The following FAM107B variants were observed in gnomAD, a reference collection of about 807,000 sequenced individuals.
FAM107B encodes family with sequence similarity 107 member B, also known as protein FAM107B.
FAM107B carries 21 observed loss-of-function variants against 31.5 expected under a neutral mutation model. The observed-to-expected ratio is 0.67, with a 90% CI of 0.47 to 0.96. The LOEUF (loss-of-function observed/expected upper bound fraction) is 0.96. Ranked by LOEUF, FAM107B falls within the 40% of genes least tolerant of loss-of-function variation. The pLI, the probability that FAM107B is intolerant of heterozygous loss-of-function variation, is 0.00. For synonymous variants in FAM107B, 157 were observed against 141.5 expected (o/e 1.11, Z -0.78); for missense variants, 452 against 377.1 (o/e 1.20, Z -1.64).
intron 1 of FAM107B, among the ~76,000 whole-genome samples, chr10:14,672,430 C>T (rs79349016): frequency 0.034 from 5,190 of 152,220 alleles, 287 homozygotes; most frequent in African/African-American, 0.12. Flanking sequence ...AATGTGACCA[C>T]GATGATGTAC....
chr10:14,677,347 C>T lies in FAM107B; in HGVS notation c.412-9656G>A, dbSNP rs141440506. 9.2e-5 allele frequency among the ~76,000 whole-genome samples: 14 copies of T among 152,324 alleles called. No individual in the cohort carries two copies. In the East Asian group the frequency reaches 2.7e-3, roughly 29 times the overall value. ...TTAAAGCTACAGATACCTGGCCGGGCGCGGTGGCTCAATCCTGTAATCCCA... is the reference window on the plus strand; with the variant it reads ...TTAAAGCTACAGATACCTGGCCGGGTGCGGTGGCTCAATCCTGTAATCCCA... On this transcript the variant is annotated intron_variant, in intron 1 of 4. Transcript: ENST00000181796.
chr10:14,522,182 CAGCACGAAAGA>C (rs1309438909), intron 3 of FAM107B, 163 bp from the exon 4 acceptor site: 2 of 884,532 alleles, frequency 2.3e-6, no homozygotes, highest in Non-Finnish European at 3.3e-6. Context: ...AGAAATTCAC[CAGCACGAAAGA>C]AAGGCAAGAG....
intron 1 of FAM107B, among the ~76,000 whole-genome samples, chr10:14,740,184 G>A (rs974190929): frequency 1.2e-4 from 18 of 152,226 alleles, no homozygotes; most frequent in Non-Finnish European, 2.1e-4. Flanking sequence ...ATTCATATTC[G>A]CCAAAACTTG....
At chr10:14,646,962 T>A (rs1432795171) in intron 2 of FAM107B, among the ~76,000 whole-genome samples, 1 of 151,712 alleles carries the variant, frequency 6.6e-6, no homozygotes, top group African/African-American at 2.4e-5. Flanking sequence ...CCTGGCTAAT[T>A]TTTTTGTATT....
At chr10:14,658,481 T>C (rs1362146953) in intron 2 of FAM107B, among the ~76,000 whole-genome samples, 1 of 152,228 alleles carries the variant, frequency 6.6e-6, no homozygotes, top group Non-Finnish European at 1.5e-5. Flanking sequence ...AGTACCCAAA[T>C]AAACAACAGT....
At chr10:14,752,753 G>A (rs567700201) in intron 1 of FAM107B, among the ~76,000 whole-genome samples, 29 of 152,152 alleles carry the variant, frequency 1.9e-4, no homozygotes, top group African/African-American at 6.0e-4. Flanking sequence ...GCAATGTGGC[G>A]AGACCCCATC....
chr10:14,632,435 C>A (rs1853383018), intron 2 of FAM107B, among the ~76,000 whole-genome samples: 1 of 151,540 alleles, frequency 6.6e-6, no homozygotes, highest in African/African-American at 2.4e-5. Flanking sequence ...CACGGTGAAT[C>A]CCCGTCTCTA....
At chr10:14,747,389 C>T (rs1008713382) in intron 1 of FAM107B, among the ~76,000 whole-genome samples, 3 of 152,162 alleles carry the variant, frequency 2.0e-5, no homozygotes, top group African/African-American at 4.8e-5. Flanking sequence ...TTTGAGTTTT[C>T]AGTATTTTTT....
chr10:14,590,070 C>T (rs1851966320), intron 2 of FAM107B, among the ~76,000 whole-genome samples: 1 of 152,164 alleles, frequency 6.6e-6, no homozygotes, highest in Non-Finnish European at 1.5e-5. Context: ...AGTTTTGGTT[C>T]CAACTCTACA....
intron 1 of FAM107B, among the ~76,000 whole-genome samples, chr10:14,767,055 T>TATATATATAGAGAGAG (rs1440609298): frequency 2.2e-4 from 4 of 18,280 alleles, no homozygotes; most frequent in East Asian, 3.8e-3. Flanking sequence ...TATATATATA[T>TATATATATAGAGAGAG]AGAGAGAGAG....
rs374963306 is a variant in FAM107B at position 14,530,395 on chromosome 10, T to A, written c.590A>T (p.Asn197Ile). 6.2e-7 allele frequency: 1 copy of A among 1,614,142 alleles called. No homozygotes were observed. Among genetic ancestry groups the A allele is most frequent in the Non-Finnish European group, 8.5e-7 (1 of 1,179,996 alleles). The change falls in exon 3 of 5, where the codon AAT becomes ATT. Residue 197 changes from asparagine (N) to isoleucine (I), a missense_variant. Physicochemically the swap from Asn to Ile is moderately radical, Grantham distance 149. Coordinates refer to ENST00000181796, the MANE Select transcript of FAM107B (RefSeq NM_031453.4). ...PELIRPQKLINPVKTSRNHQD... is the reference protein window; with the variant it reads ...PELIRPQKLIIPVKTSRNHQD... ...ATGGTTCCGGGAGGTTTTTACAGGATTGATCAGTTTCTGAGGCCTAATGAG... is the reference window on the plus strand; with the variant it reads ...ATGGTTCCGGGAGGTTTTTACAGGAATGATCAGTTTCTGAGGCCTAATGAG...
chr10:14,732,326 G>T (rs1856193411), intron 1 of FAM107B, among the ~76,000 whole-genome samples: 1 of 152,134 alleles, frequency 6.6e-6, no homozygotes, highest in Non-Finnish European at 1.5e-5. Context: ...CCAAAGATCG[G>T]CAATTAATCA....
At chr10:14,552,732 G>A (rs1849371747) in intron 2 of FAM107B, among the ~76,000 whole-genome samples, 1 of 152,026 alleles carries the variant, frequency 6.6e-6, no homozygotes, top group Non-Finnish European at 1.5e-5. Flanking sequence ...GGGAGGCTGA[G>A]GCCCGAGAAA....
At chr10:14,619,141 A>T (rs1239383980) in intron 2 of FAM107B, among the ~76,000 whole-genome samples, 1 of 152,228 alleles carries the variant, frequency 6.6e-6, no homozygotes, top group East Asian at 1.9e-4. Flanking sequence ...CCCTTCATCC[A>T]ACACTTGTAG....
chr10:14,593,890 T>C (rs1564591753), intron 2 of FAM107B, among the ~76,000 whole-genome samples: 1 of 152,100 alleles, frequency 6.6e-6, no homozygotes, highest in Non-Finnish European at 1.5e-5. Flanking sequence ...AAAAATACCG[T>C]TTAGATATAG....
At chr10:14,773,825 A>G (rs896434827) in intron 1 of FAM107B, among the ~76,000 whole-genome samples, 1 of 152,230 alleles carries the variant, frequency 6.6e-6, no homozygotes, top group African/African-American at 2.4e-5. Flanking sequence ...CATTTTAAGT[A>G]GAGGCAGTTT....
In FAM107B at chr10:14,521,066, TC is replaced by T. The variant is rs1845581088; in HGVS notation, c.*123del. 7 of 775,544 alleles carry T rather than the reference TC, an allele frequency of 9.0e-6. No individual in the cohort carries two copies. In the South Asian group the frequency reaches 1.2e-4, roughly 14 times the overall value. The allele number at this position is 775,544 out of a possible 1,614,324, so 48.0% of individuals were successfully genotyped here. ...CAGATCGTAGGAAAATCAAACCAAA[TC>T]CTACTGCAAGTCAAAATTCTCTGCT... On this transcript the variant is annotated 3_prime_UTR_variant, in exon 5 of 5. Coordinates refer to ENST00000181796, the MANE Select transcript of FAM107B (RefSeq NM_031453.4).
At chr10:14,650,050 C>T (rs1021412310) in intron 2 of FAM107B, among the ~76,000 whole-genome samples, 7 of 152,118 alleles carry the variant, frequency 4.6e-5, no homozygotes, top group Non-Finnish European at 1.0e-4. Flanking sequence ...CTGTCAATGT[C>T]CCAGATAGGA....
intron 2 of FAM107B, among the ~76,000 whole-genome samples, chr10:14,550,910 CTCA>C (rs1849198447): frequency 6.6e-6 from 1 of 152,190 alleles, no homozygotes. Flanking sequence ...GAGGAAATCA[CTCA>C]TCACTTCGAG....
Sources: allele counts gnomAD v4.1 joint callset (sites outside exome capture counted in the v4.1 genomes callset), GRCh38; gene constraint gnomAD v4.1.1; transcripts MANE v1.5; gene names NCBI Gene and HGNC (gene_info 2026-07-23, HGNC 2026-07-21).